Variants in ZFHX3 observed in about 807,000 individuals in gnomAD.
The protein encoded by ZFHX3 is zinc finger homeobox 3.
Under a neutral mutation model 279.1 loss-of-function variants are expected in ZFHX3, and 42 were observed. That is an observed-to-expected ratio of 0.15 (90% CI 0.12 to 0.19). The LOEUF (loss-of-function observed/expected upper bound fraction) is 0.19. Among genes scored for constraint, ZFHX3 ranks in the 10% least tolerant of loss-of-function variants. The pLI is 1.00. For synonymous variants in ZFHX3, 2,293 were observed against 1,957.8 expected (o/e 1.17, Z -4.52); for missense variants, 4,981 against 4,754.0 (o/e 1.05, Z -1.40).
intron 4 of ZFHX3, among the ~76,000 whole-genome samples, chr16:72,842,767 G>C (rs2037376353): frequency 6.6e-6 from 1 of 152,138 alleles, no homozygotes; most frequent in African/African-American, 2.4e-5. Context: ...AGAAGAGCTA[G>C]CCTATGAGTT....
chr16:73,404,218 C>G (rs1215699360), intron 3 of ZFHX3, among the ~76,000 whole-genome samples: 2 of 152,080 alleles, frequency 1.3e-5, no homozygotes, highest in African/African-American at 4.8e-5. Flanking sequence ...TTAGCTCAGT[C>G]CTGGACAAGG....
intron 1 of ZFHX3, among the ~76,000 whole-genome samples, chr16:73,695,231 A>G (rs1597070312): frequency 8.3e-6 from 1 of 120,086 alleles, no homozygotes; most frequent in South Asian, 3.0e-4. Flanking sequence ...ATTCAAATAC[A>G]GTTTTTTTTT....
intron 4 of ZFHX3, among the ~76,000 whole-genome samples, chr16:72,870,757 A>T (rs537775148): frequency 4.2e-4 from 64 of 151,830 alleles, no homozygotes; most frequent in African/African-American, 1.5e-3. Context: ...GAAAGAGGAC[A>T]GCTAAATATA....
intron 6 of ZFHX3, among the ~76,000 whole-genome samples, chr16:73,141,823 AG>A (rs1350975590): frequency 6.6e-6 from 1 of 152,196 alleles, no homozygotes; most frequent in Non-Finnish European, 1.5e-5. Context: ...GAGAAAGAAT[AG>A]GTCTGGAAGC....
intron 3 of ZFHX3, among the ~76,000 whole-genome samples, chr16:73,392,835 T>G (rs2017046769): frequency 2.0e-5 from 1 of 50,998 alleles, no homozygotes; most frequent in Non-Finnish European, 4.9e-5. Flanking sequence ...GTATCTTTGT[T>G]TTTTGTTTTT....
At chr16:73,795,879 C>A (rs1349922458) in intron 1 of ZFHX3, among the ~76,000 whole-genome samples, 1 of 152,124 alleles carries the variant, frequency 6.6e-6, no homozygotes, top group African/African-American at 2.4e-5. Context: ...TAGATTTTGC[C>A]CTGTGCTGCT....
At chr16:72,986,362 C>T (rs1962843498) in intron 1 of ZFHX3, among the ~76,000 whole-genome samples, 2 of 152,150 alleles carry the variant, frequency 1.3e-5, no homozygotes, top group South Asian at 4.1e-4. Flanking sequence ...TCCATTTGTT[C>T]TAACACATTT....
At chr16:73,387,373 T>C (rs911540098) in intron 3 of ZFHX3, 2 of 152,156 alleles carry the variant, frequency 1.3e-5, no homozygotes, top group African/African-American at 4.8e-5. Context: ...CAAATAATGT[T>C]CTGCTTGAGG....
intron 1 of ZFHX3, among the ~76,000 whole-genome samples, chr16:72,968,471 T>G (rs1001474826): frequency 2.7e-5 from 4 of 150,794 alleles, no homozygotes; most frequent in Non-Finnish European, 4.4e-5. Flanking sequence ...TTTTTTTTTT[T>G]TTTTTTTGAG....
intron 8 of ZFHX3, among the ~76,000 whole-genome samples, chr16:73,070,928 GCGCGCGCGCGCACACACACACACA>G (rs1480791302): frequency 9.5e-5 from 3 of 31,432 alleles, no homozygotes; most frequent in East Asian, 1.6e-3. Flanking sequence ...GCGCGCGCGC[GCGCGCGCGCGCACACACACACACA>G]CACACACACA....
chr16:73,787,765 A>G (rs947941763), intron 1 of ZFHX3, among the ~76,000 whole-genome samples: 2 of 151,910 alleles, frequency 1.3e-5, no homozygotes, highest in African/African-American at 2.4e-5. Context: ...AACACTGGAT[A>G]GGCCTACTCT....
intron 4 of ZFHX3, among the ~76,000 whole-genome samples, chr16:72,842,673 T>C (rs940429873): frequency 6.6e-6 from 1 of 152,030 alleles, no homozygotes; most frequent in Non-Finnish European, 1.5e-5. Flanking sequence ...CAATGAAAAC[T>C]TTCAAAAAAC....
intron 9 of ZFHX3, among the ~76,000 whole-genome samples, chr16:72,791,905 A>G (rs757674641): frequency 5.9e-5 from 9 of 152,242 alleles, no homozygotes; most frequent in Admixed American, 2.0e-4. Flanking sequence ...TGTGGAACTA[A>G]TTCAACCAGA....
At chr16:72,843,217 G>T (rs62053161) in intron 4 of ZFHX3, among the ~76,000 whole-genome samples, 4 of 151,906 alleles carry the variant, frequency 2.6e-5, no homozygotes, top group African/African-American at 9.7e-5. Flanking sequence ...GGGCTCCAAA[G>T]CCACACAGTG....
chr16:72,993,889 G>A (rs542464241), intron 1 of ZFHX3, among the ~76,000 whole-genome samples: 1 of 152,134 alleles, frequency 6.6e-6, no homozygotes, highest in Non-Finnish European at 1.5e-5. Flanking sequence ...ATTCGGGGCT[G>A]TAGAGACTCT....
At chr16:73,149,572 C>T (rs1966891355) in intron 5 of ZFHX3, among the ~76,000 whole-genome samples, 1 of 152,164 alleles carries the variant, frequency 6.6e-6, no homozygotes, top group African/African-American at 2.4e-5. Context: ...TCATTTTCGG[C>T]ACTTTGCGTT....
At chr16:73,407,765 T>C (rs1256153742) in intron 3 of ZFHX3, among the ~76,000 whole-genome samples, 3 of 152,164 alleles carry the variant, frequency 2.0e-5, no homozygotes, top group Non-Finnish European at 2.9e-5. Context: ...CAGAGTGAAA[T>C]AAAGAGTAAA....
intron 2 of ZFHX3, among the ~76,000 whole-genome samples, chr16:73,505,117 T>C (rs1597361745): frequency 6.6e-6 from 1 of 152,062 alleles, no homozygotes; most frequent in African/African-American, 2.4e-5. Context: ...TTAAGTATCA[T>C]ATCTGCTGAC....
At chr16:73,383,655 G>C (rs1322188157) in intron 3 of ZFHX3, among the ~76,000 whole-genome samples, 1 of 136,714 alleles carries the variant, frequency 7.3e-6, no homozygotes, top group Non-Finnish European at 1.6e-5. Flanking sequence ...GCAAGCACAA[G>C]AAAGTGGATC....
Sources: allele counts gnomAD v4.1 joint callset (sites outside exome capture counted in the v4.1 genomes callset), GRCh38; gene constraint gnomAD v4.1.1; transcripts MANE v1.5; gene names NCBI Gene and HGNC (gene_info 2026-07-23, HGNC 2026-07-21).